Variants in GLIS2 observed in about 807,000 individuals in gnomAD.
GLIS2 encodes GLIS family zinc finger 2, also known as zinc finger protein GLIS2.
GLIS2 carries 14 observed loss-of-function variants against 35.6 expected under a neutral mutation model. That is an observed-to-expected ratio of 0.39 (90% CI 0.26 to 0.61). GLIS2 has a LOEUF of 0.61. Among genes scored for constraint, GLIS2 ranks in the 20% least tolerant of loss-of-function variants. The probability of loss-of-function intolerance (pLI) is 0.48; values close to 1 mark genes in which losing one functional copy is unlikely to be tolerated. For missense variants in GLIS2, 675 were observed against 713.4 expected (o/e 0.95, Z 0.61); for synonymous variants, 368 against 325.1 (o/e 1.13, Z -1.42).
In GLIS2 at chr16:4,337,346, A is replaced by G; in HGVS notation, c.1397A>G (p.Glu466Gly). ...ATGGAGGGCCACAAGACGCCCCTTG[A>G]AAGGACGGAGAGCAGCTGCTCCCGG... ...LGMEGHKTPL[E>G]RTESSCSRPS... is the part of the protein sequence containing the mutation. Residue 466 changes from glutamate (E) to glycine (G), a missense_variant, in exon 7 of 7, where the codon GAA becomes GGA. This residue lies in a region of GLIS2 where 317 missense variants were observed against 283.2 expected (regional missense o/e 1.12). Transcript: ENST00000433375. The G allele has an allele frequency of 5.7e-6, 9 of 1,590,548 alleles. No individual in the cohort carries two copies. Among genetic ancestry groups the G allele is most frequent in the South Asian group, 3.4e-5 (3 of 87,628 alleles).
At chr16:4,326,473 C>A (rs1039467531) in intron 1 of GLIS2, 2 of 152,268 alleles carry the variant, frequency 1.3e-5, no homozygotes, top group Admixed American at 6.5e-5. Flanking sequence ...GCAGCCCCAT[C>A]TTACAGAGGA....
chr16:4,337,338 G>A lies in GLIS2; in HGVS notation c.1389G>A (p.Thr463=), dbSNP rs1006819423. The A allele has an allele frequency of 3.2e-6, 5 of 1,586,846 alleles. No homozygotes were observed. Among genetic ancestry groups the A allele is most frequent in the African/African-American group, 1.3e-5 (1 of 74,340 alleles). The change falls in exon 7 of 7, where the codon ACG becomes ACA. Residue 463 remains threonine (T), a synonymous_variant. Coordinates refer to ENST00000433375, the MANE Select transcript of GLIS2 (RefSeq NM_032575.3). The stretch of plus-strand genomic sequence containing the variant: ...CCCTGGGCATGGAGGGCCACAAGAC[G>A]CCCCTTGAAAGGACGGAGAGCAGCT... ...TRALGMEGHK[T]PLERTESSCS...
rs141327720 is a variant in GLIS2, at chr16:4,328,579, C to T, written c.-66-3636C>T. ...GGCTGGGGGCAGCTCCTTCCTTTCC[C>T]GGGGGCAGGGACGCAGGCCGTGTGC... On this transcript the variant is annotated intron_variant, in intron 1 of 6. Transcript: ENST00000433375. Among the ~76,000 whole-genome samples the T allele has an allele frequency of 2.3e-3, 348 of 152,244 alleles. 3 individuals are homozygous for T. The highest frequency in any genetic ancestry group is 8.1e-3 in the African/African-American group (335 of 41,552).
Position 4,337,124 on chromosome 16 carries a change from G to A in GLIS2, c.1175G>A (p.Ser392Asn), listed in dbSNP as rs773863637. 8 of 1,536,202 alleles carry A rather than the reference G, an allele frequency of 5.2e-6. No individual in the cohort carries two copies. The highest frequency in any genetic ancestry group is 4.1e-5 in the African/African-American group (3 of 72,978). Residue 392 changes from serine to asparagine, a missense_variant, in exon 7 of 7, where the codon AGT becomes AAT. By Grantham distance (46) the Ser-to-Asn change is conservative (BLOSUM62 1). This residue lies in a region of GLIS2 where 317 missense variants were observed against 283.2 expected (regional missense o/e 1.12). Coordinates refer to ENST00000433375, the MANE Select transcript of GLIS2 (RefSeq NM_032575.3). Reference sequence around the variant, plus strand: ...CTGGCCTGTGGCAACGGTGGGGGCAGTGGGGGTGGGGGGGGCATGGGCCCT... The same window carrying A: ...CTGGCCTGTGGCAACGGTGGGGGCAATGGGGGTGGGGGGGGCATGGGCCCT... ...SALACGNGGG[S>N]GGGGGMGPGL...
In GLIS2 at chr16:4,335,803, T is replaced by C. The variant is rs969340390; in HGVS notation, c.775+410T>C. 2.8e-5 allele frequency: 7 copies of C among 246,418 alleles called. No homozygotes were observed. In the East Asian group the frequency reaches 4.9e-4, roughly 17 times the overall value. The allele number at this position is 246,418 out of a possible 1,614,324, so 15.3% of individuals were successfully genotyped here. A position where few individuals can be genotyped will look rare whatever the true frequency, so the allele number is the denominator to read the frequency against. Reference sequence around the variant, plus strand: ...AGCAAAAATAAATGGGTGAAATTAATTGTAATATGGTTCGTTGACCCCGGT... The same window carrying C: ...AGCAAAAATAAATGGGTGAAATTAACTGTAATATGGTTCGTTGACCCCGGT... On this transcript the variant is annotated intron_variant, in intron 6 of 6. Coordinates refer to ENST00000433375, the MANE Select transcript of GLIS2 (RefSeq NM_032575.3). This position sits in a 1 kb window ranked among gnomAD's most constrained non-coding sequence, Gnocchi z 4.6.
chr16:4,323,832 GC>G (rs2053403021), intron 1 of GLIS2, among the ~76,000 whole-genome samples: 1 of 152,184 alleles, frequency 6.6e-6, no homozygotes, highest in African/African-American at 2.4e-5. Flanking sequence ...TTTATGGCAG[GC>G]ATGAGGACAA....
At chr16:4,336,687 G>A (rs1330743365) in intron 6 of GLIS2, 38 bp from the exon 7 acceptor site, 5 of 1,553,434 alleles carry the variant, frequency 3.2e-6, no homozygotes, top group South Asian at 2.3e-5. Flanking sequence ...GAAGGGGAGA[G>A]ACCCCTCATG....
At chr16:4,317,438 G>A (rs915232066) in intron 1 of GLIS2, among the ~76,000 whole-genome samples, 5 of 152,148 alleles carry the variant, frequency 3.3e-5, no homozygotes, top group Admixed American at 6.5e-5. Context: ...TGGGGAGGAA[G>A]CCCAGAGACA....
chr16:4,338,606 G>A lies in GLIS2; in HGVS notation c.*1082G>A, dbSNP rs886051999. The A allele has an allele frequency of 4.6e-5, 7 of 152,700 alleles. No homozygotes were observed. Among genetic ancestry groups the A allele is most frequent in the Admixed American group, 2.0e-4 (3 of 15,294 alleles). 9.5% of individuals were successfully genotyped at this position (152,700 alleles called of 1,614,324 possible). On this transcript the variant is annotated 3_prime_UTR_variant, in exon 7 of 7. Coordinates refer to ENST00000433375, the MANE Select transcript of GLIS2 (RefSeq NM_032575.3). The stretch of plus-strand genomic sequence containing the variant: ...AGCTTTCTGGAGGCTGTGGACTGAA[G>A]GCCTTGAGGGAAGCAGTGGCTGGAG...
chr16:4,328,293 C>T (rs1203004804), intron 1 of GLIS2: 2 of 152,400 alleles, frequency 1.3e-5, no homozygotes, highest in Non-Finnish European at 2.9e-5. Context: ...CGCTGCTCCC[C>T]GCTCTGGGCC....
At chr16:4,315,530 G>C (rs2053297305), upstream of GLIS2, 1 of 151,998 alleles carries the variant, frequency 6.6e-6, no homozygotes, top group Admixed American at 6.6e-5. Context: ...CCGGTCTGCG[G>C]GGCTTTTCCT....
chr16:4,318,488 G>A (rs1186822619), intron 1 of GLIS2, among the ~76,000 whole-genome samples: 2 of 152,192 alleles, frequency 1.3e-5, no homozygotes, highest in South Asian at 2.1e-4. Context: ...CGTGTGAACC[G>A]CGTCCCCCCA....
chr16:4,327,110 T>G (rs1436593161), intron 1 of GLIS2, among the ~76,000 whole-genome samples: 1 of 152,106 alleles, frequency 6.6e-6, no homozygotes, highest in Non-Finnish European at 1.5e-5. Flanking sequence ...CCCAGGCTGG[T>G]GTAGAACTCC....
At chr16:4,331,922 C>T in intron 1 of GLIS2, 1 of 385,754 alleles carries the variant, frequency 2.6e-6, no homozygotes. Context: ...TGCACTCCAG[C>T]CTGAGTGACA....
In GLIS2 at chr16:4,339,523, T is replaced by C. The variant is rs1172855236; in HGVS notation, c.*1999T>C. On this transcript the variant is annotated 3_prime_UTR_variant, in exon 7 of 7. Coordinates refer to ENST00000433375, the MANE Select transcript of GLIS2 (RefSeq NM_032575.3). ...TAGAGTTTTAAAAAAAGAGATAAGC[T>C]AATGACTATAACAATATATTCCTCC... 1 of 152,390 alleles carries C rather than the reference T, an allele frequency of 6.6e-6. No individual in the cohort carries two copies. The highest frequency in any genetic ancestry group is 1.5e-5 in the Non-Finnish European group (1 of 68,028). The allele number at this position is 152,390 out of a possible 1,614,324, so 9.4% of individuals were successfully genotyped here.
chr16:4,317,728 T>G (rs2053329975), intron 1 of GLIS2, among the ~76,000 whole-genome samples: 1 of 152,090 alleles, frequency 6.6e-6, no homozygotes, highest in Non-Finnish European at 1.5e-5. Flanking sequence ...CTGGCCCATT[T>G]CACTGCCCAC....
rs1043046417 is a variant in GLIS2, at chr16:4,332,612, G to A, written c.172+160G>A. On this transcript the variant is annotated intron_variant, in intron 2 of 6. Coordinates refer to ENST00000433375, the MANE Select transcript of GLIS2 (RefSeq NM_032575.3). This position sits in a 1 kb window ranked among gnomAD's most constrained non-coding sequence, Gnocchi z 5.4. The stretch of plus-strand genomic sequence containing the variant: ...TCCTTCCATCCGCCCAGCATCGTAT[G>A]TCTGCAGGGAGGTGGGAGCTGCAGT... 2.6e-5 allele frequency among the ~76,000 whole-genome samples: 4 copies of A among 152,246 alleles called. No homozygotes were observed. Among genetic ancestry groups the A allele is most frequent in the Non-Finnish European group, 5.9e-5 (4 of 68,048 alleles).
intron 1 of GLIS2, among the ~76,000 whole-genome samples, chr16:4,319,251 C>T (rs1159502065): frequency 6.6e-6 from 1 of 152,134 alleles, no homozygotes; most frequent in Non-Finnish European, 1.5e-5. Flanking sequence ...CACAGGGGAA[C>T]CCCGGAAGGT....
At position 4,335,101 on chromosome 16, in the gene GLIS2, T is replaced by C. The variant is rs765544525; in HGVS notation, c.564T>C (p.His188=). 15 of 1,613,274 alleles carry C rather than the reference T, an allele frequency of 9.3e-6. No homozygotes were observed. The South Asian group carries it at 1.1e-4, about 12-fold the overall frequency. ...AGCTCCTGCAAGACCTGGTGGACCA[T>C]GTCAACGATTACCATGTCAAGCCCG... ...LFELLQDLVD[H]VNDYHVKPEK... Residue 188 remains histidine (H), a synonymous_variant, in exon 5 of 7, where the codon CAT becomes CAC. Coordinates refer to ENST00000433375, the MANE Select transcript of GLIS2 (RefSeq NM_032575.3). The surrounding 1 kb of genome is among the most constrained non-coding windows in gnomAD (Gnocchi z 4.6).
Sources: allele counts gnomAD v4.1 joint callset (sites outside exome capture counted in the v4.1 genomes callset), GRCh38; gene constraint gnomAD v4.1.1; regional missense constraint gnomAD v4.1.1; non-coding constraint Gnocchi (gnomAD v3.1); transcripts MANE v1.5; gene names NCBI Gene and HGNC (gene_info 2026-07-23, HGNC 2026-07-21).